Variants in PIP5K1C observed in about 807,000 individuals in gnomAD.
PIP5K1C encodes the protein phosphatidylinositol-4-phosphate 5-kinase type 1 gamma, also known as phosphatidylinositol 4-phosphate 5-kinase type-1 gamma.
PIP5K1C carries 45 observed loss-of-function variants against 80.1 expected under a neutral mutation model. The observed-to-expected ratio is 0.56, with a 90% CI of 0.44 to 0.72. PIP5K1C has a LOEUF of 0.72. Ranked by LOEUF, PIP5K1C falls within the 30% of genes least tolerant of loss-of-function variation. The pLI, the probability that PIP5K1C is intolerant of heterozygous loss-of-function variation, is 0.00. For synonymous variants in PIP5K1C, 498 were observed against 420.1 expected (o/e 1.19, Z -2.27); for missense variants, 753 against 954.6 (o/e 0.79, Z 2.78).
At position 3,696,469 on chromosome 19, in the gene PIP5K1C, A is replaced by C. The variant is rs1240539982; in HGVS notation, c.94+3828T>G. On this transcript the variant is annotated intron_variant, in intron 1 of 17. Coordinates refer to ENST00000335312, the MANE Select transcript of PIP5K1C (RefSeq NM_012398.3). The surrounding 1 kb of genome is among the most constrained non-coding windows in gnomAD (Gnocchi z 4.1). The stretch of plus-strand genomic sequence containing the variant: ...GCACAATCAGGGAAGAGGAACCGGG[A>C]GGGCAGGGGACGGAGAAGGGGAGAC... Among the ~76,000 whole-genome samples the C allele has an allele frequency of 6.6e-6, 1 of 152,120 alleles. No individual in the cohort carries two copies. Among genetic ancestry groups the C allele is most frequent in the Non-Finnish European group, 1.5e-5 (1 of 68,028 alleles).
At chr19:3,634,405 G>C (rs928597873) in intron 16 of PIP5K1C, among the ~76,000 whole-genome samples, 1 of 151,578 alleles carries the variant, frequency 6.6e-6, no homozygotes, top group Non-Finnish European at 1.5e-5. Context: ...TCGGGCCTCT[G>C]TCACCAACCC....
intron 3 of PIP5K1C, among the ~76,000 whole-genome samples, chr19:3,664,198 G>A (rs1194554089): frequency 6.6e-6 from 1 of 152,226 alleles, no homozygotes; most frequent in Non-Finnish European, 1.5e-5. Context: ...AAGGGATGTG[G>A]GTGCCAGGGC....
intron 15 of PIP5K1C, among the ~76,000 whole-genome samples, chr19:3,640,058 C>G (rs1033605651): frequency 1.3e-5 from 2 of 152,126 alleles, no homozygotes; most frequent in African/African-American, 2.4e-5. Context: ...GAAGATAAAC[C>G]CCCAGGGCTT....
chr19:3,684,600 A>G (rs2035694704), intron 1 of PIP5K1C, among the ~76,000 whole-genome samples: 1 of 152,216 alleles, frequency 6.6e-6, no homozygotes, highest in African/African-American at 2.4e-5. Context: ...AGCAGAACCG[A>G]CCTGCTGAGC....
chr19:3,634,050 AGACGTGCTAGGAGAGACTGAGGCTC>A lies in PIP5K1C; in HGVS notation c.1921-555_1921-531del, dbSNP rs373944978. Among the ~76,000 whole-genome samples the A allele has an allele frequency of 3.2e-4, 48 of 152,228 alleles. No individual in the cohort carries two copies. The East Asian group carries it at 7.4e-3, about 23-fold the overall frequency. ...CAGGGCCAGTCCCCTCTGCCAGCAC[AGACGTGCTAGGAGAGACTGAGGCTC>A]GGACCACCCACCCTGCAAGAGCCAG... On this transcript the variant is annotated intron_variant, in intron 16 of 17. Transcript: ENST00000335312.
At chr19:3,682,928 ACCTCCCCTCCTCCCCCTCC>A (rs2145579887) in intron 1 of PIP5K1C, among the ~76,000 whole-genome samples, 1 of 143,172 alleles carries the variant, frequency 7.0e-6, no homozygotes, top group African/African-American at 2.6e-5. Context: ...GATGGAGAAC[ACCTCCCCTCCTCCCCCTCC>A]CCTCCCCTCC....
intron 1 of PIP5K1C, among the ~76,000 whole-genome samples, chr19:3,698,907 C>A (rs1031381577): frequency 4.0e-5 from 6 of 151,308 alleles, no homozygotes; most frequent in African/African-American, 1.5e-4. Flanking sequence ...AGATGCCAGA[C>A]CCTGACCTTC....
At chr19:3,655,492 T>C (rs1475072762) in intron 6 of PIP5K1C, among the ~76,000 whole-genome samples, 1 of 152,240 alleles carries the variant, frequency 6.6e-6, no homozygotes, top group Non-Finnish European at 1.5e-5. Context: ...TGATATGGAA[T>C]TCGCATTTCT....
intron 1 of PIP5K1C, 146 bp from the exon 2 acceptor site, chr19:3,667,499 G>A (rs763516677): frequency 8.0e-6 from 7 of 874,462 alleles, no homozygotes; most frequent in Non-Finnish European, 5.7e-6. Flanking sequence ...CACAAGTGAA[G>A]ACATGGACTG....
At chr19:3,643,419 C>T in intron 12 of PIP5K1C, 38 bp from the exon 13 acceptor site, 2 of 1,610,762 alleles carry the variant, frequency 1.2e-6, no homozygotes, top group Admixed American at 1.7e-5. Flanking sequence ...GCGGAGCCTC[C>T]GAGCCCCCAA....
intron 1 of PIP5K1C, chr19:3,669,638 C>T (rs1054385715): frequency 6.6e-5 from 10 of 152,264 alleles, no homozygotes; most frequent in Admixed American, 3.3e-4. Flanking sequence ...GGTGAACCCA[C>T]CCGAGGTCAC....
Position 3,637,341 on chromosome 19 carries a change from T to G in PIP5K1C, c.1920+1543A>C. Reference sequence around the variant, plus strand: ...GGTTCGACGTGGGACCGAATGACATTCCCAGTGACGCATGCAGCCCAGCGC... The same window carrying G: ...GGTTCGACGTGGGACCGAATGACATGCCCAGTGACGCATGCAGCCCAGCGC... On this transcript the variant is annotated intron_variant, in intron 16 of 17. Transcript: ENST00000335312. This position sits in a 1 kb window ranked among gnomAD's most constrained non-coding sequence, Gnocchi z 7.0. The G allele has an allele frequency of 6.5e-7, 1 of 1,534,140 alleles. No homozygotes were observed.
At position 3,700,372 on chromosome 19, in the gene PIP5K1C, C is replaced by A; in HGVS notation, c.19G>T (p.Asp7Tyr). MELEVP[D>Y]EAESAEAGAV... ...CCCGCCTCAGCGCTCTCCGCCTCGT[C>A]CGGTACCTCCAGCTCCATGGCCGCG... is the stretch of plus-strand genomic sequence containing the variant. Residue 7 changes from aspartate (D) to tyrosine (Y), a missense_variant, in exon 1 of 18, where the codon GAC becomes TAC. Asp to Tyr is a radical substitution (Grantham distance 160). This residue lies in a region of PIP5K1C where 78 missense variants were observed against 67.1 expected (regional missense o/e 1.16). Coordinates refer to ENST00000335312, the MANE Select transcript of PIP5K1C (RefSeq NM_012398.3). 7.9e-7 allele frequency: 1 copy of A among 1,271,886 alleles called. No homozygotes were observed. Among genetic ancestry groups the A allele is most frequent in the Non-Finnish European group, 1.0e-6 (1 of 991,120 alleles). 78.8% of individuals were successfully genotyped at this position (1,271,886 alleles called of 1,614,324 possible). A position where few individuals can be genotyped will look rare whatever the true frequency, so the allele number is the denominator to read the frequency against.
At chr19:3,658,035 C>G (rs9304905) in intron 5 of PIP5K1C, among the ~76,000 whole-genome samples, 100,061 of 152,124 alleles carry the variant, frequency 0.66, 33,328 homozygotes, top group East Asian at 0.93. Flanking sequence ...ACACTCTGAT[C>G]TGTGAATATG....
intron 1 of PIP5K1C, among the ~76,000 whole-genome samples, chr19:3,678,081 TG>T (rs2035440634): frequency 2.5e-5 from 1 of 40,092 alleles, no homozygotes; most frequent in Non-Finnish European, 4.8e-5. Context: ...GGAAGGAGAA[TG>T]GAGGATGGAG....
intron 11 of PIP5K1C, 126 bp downstream of exon 11, chr19:3,645,848 C>G: frequency 1.3e-6 from 1 of 784,076 alleles, no homozygotes; most frequent in Non-Finnish European, 2.3e-6. Flanking sequence ...CTGAGGGGGG[C>G]ACAGGGGCTC....
intron 1 of PIP5K1C, among the ~76,000 whole-genome samples, chr19:3,698,013 C>T (rs2036179506): frequency 6.6e-6 from 1 of 152,254 alleles, no homozygotes. Flanking sequence ...GCCGAAATCG[C>T]CAAGGACGAT....
intron 6 of PIP5K1C, among the ~76,000 whole-genome samples, chr19:3,654,367 G>A (rs534487912): frequency 6.6e-6 from 1 of 152,352 alleles, no homozygotes; most frequent in East Asian, 1.9e-4. Context: ...AGCTGCCCAG[G>A]TGTCGGGGCT....
chr19:3,668,122 G>T (rs1465666784), intron 1 of PIP5K1C, among the ~76,000 whole-genome samples: 1 of 152,046 alleles, frequency 6.6e-6, no homozygotes, highest in Non-Finnish European at 1.5e-5. Flanking sequence ...GACAACAGAG[G>T]CCTGCAGGAT....
Sources: allele counts gnomAD v4.1 joint callset (sites outside exome capture counted in the v4.1 genomes callset), GRCh38; gene constraint gnomAD v4.1.1; regional missense constraint gnomAD v4.1.1; non-coding constraint Gnocchi (gnomAD v3.1); transcripts MANE v1.5; gene names NCBI Gene and HGNC (gene_info 2026-07-23, HGNC 2026-07-21).